Variants in DPP6 observed in about 807,000 individuals in gnomAD.
DPP6 encodes dipeptidyl peptidase like 6, also known as A-type potassium channel modulatory protein DPP6.
Under a neutral mutation model 122.6 loss-of-function variants are expected in DPP6, and 69 were observed. The observed-to-expected ratio is 0.56, with a 90% confidence interval of 0.46 to 0.69. The LOEUF (loss-of-function observed/expected upper bound fraction) is 0.69, where lower values mean the gene tolerates loss of function less well. Among genes scored for constraint, DPP6 ranks in the 30% least tolerant of loss-of-function variants. The probability of loss-of-function intolerance (pLI) is 0.00; values close to 1 mark genes in which losing one functional copy is unlikely to be tolerated. For missense variants in DPP6, 928 were observed against 1,116.9 expected (o/e 0.83, Z 2.41); for synonymous variants, 418 against 433.1 (o/e 0.97, Z 0.43).
At chr7:154,349,674 C>T (rs532149458) in intron 1 of DPP6, among the ~76,000 whole-genome samples, 1 of 152,232 alleles carries the variant, frequency 6.6e-6, no homozygotes, top group African/African-American at 2.4e-5. Context: ...AAATAATAAA[C>T]TTGTAATATG....
chr7:154,698,251 C>A (rs1033007982), intron 7 of DPP6, among the ~76,000 whole-genome samples: 1 of 152,264 alleles, frequency 6.6e-6, no homozygotes, highest in Admixed American at 6.5e-5. Context: ...TTGAGTCGAT[C>A]TACCAAAATG....
At chr7:154,475,125 G>T in intron 3 of DPP6, 88 bp downstream of exon 3, 1 of 990,806 alleles carries the variant, frequency 1.0e-6, no homozygotes. Flanking sequence ...TTTGCCTCTC[G>T]GATTTCCCCC....
rs1010988950 is a variant in DPP6, at chr7:153,980,486, T to A, written c.51+92752T>A. ...TGGTCTATCTATTTTGTTAATCTTTTAAAAAAAACCAGCTCCTGGATTCAT... is the reference window on the plus strand; with the variant it reads ...TGGTCTATCTATTTTGTTAATCTTTAAAAAAAAACCAGCTCCTGGATTCAT... On this transcript the variant is annotated intron_variant, in intron 1 of 25. Transcript: ENST00000404039. 1.9e-4 allele frequency among the ~76,000 whole-genome samples: 29 copies of A among 152,136 alleles called. 1 individual carries two copies. Among genetic ancestry groups the A allele is most frequent in the African/African-American group, 4.3e-4 (18 of 41,512 alleles).
At chr7:153,893,435 G>A (rs553794897) in intron 1 of DPP6, among the ~76,000 whole-genome samples, 45 of 152,336 alleles carry the variant, frequency 3.0e-4, no homozygotes, top group South Asian at 2.7e-3. Context: ...GCATTTGAGC[G>A]GATGAATTCG....
At chr7:154,049,971 A>C (rs997366743), upstream of DPP6, among the ~76,000 whole-genome samples, 1 of 152,150 alleles carries the variant, frequency 6.6e-6, no homozygotes, top group Non-Finnish European at 1.5e-5. Context: ...ATTTGGGTAA[A>C]GGGCGCTCCA....
At chr7:154,219,138 G>A (rs1800165088) in intron 1 of DPP6, among the ~76,000 whole-genome samples, 1 of 152,172 alleles carries the variant, frequency 6.6e-6, no homozygotes, top group Non-Finnish European at 1.5e-5. Flanking sequence ...GAAAAGGTCT[G>A]TATAAATTCT....
At chr7:153,776,033 A>T in the DPP6 span, among the ~76,000 whole-genome samples, 1 of 152,154 alleles carries the variant, frequency 6.6e-6, no homozygotes, top group Non-Finnish European at 1.5e-5. Flanking sequence ...TCTGAATCAA[A>T]ATCTCAAAGT....
rs763518504 is a variant in DPP6, at chr7:154,892,372, C to A, written c.2490C>A (p.Ser830Arg). The change falls in exon 26 of 26, where the codon AGC becomes AGA. Residue 830 changes from serine (S) to arginine (R), a missense_variant. Coordinates refer to ENST00000377770, the MANE Select transcript of DPP6 (RefSeq NM_130797.4). ...AAAGCCATTACTTTACCAGCTCCAG[C>A]CTCAAACAGCATCTGTACCGGTCCA... ...PDESHYFTSS[S>R]LKQHLYRSII... 1 of 1,614,054 alleles carries A rather than the reference C, an allele frequency of 6.2e-7. No individual in the cohort carries two copies. Among genetic ancestry groups the A allele is most frequent in the South Asian group, 1.1e-5 (1 of 91,090 alleles).
At chr7:154,161,272 G>A (rs1169463811) in intron 1 of DPP6, among the ~76,000 whole-genome samples, 1 of 152,254 alleles carries the variant, frequency 6.6e-6, no homozygotes, top group Admixed American at 6.5e-5. Context: ...TGAGGCAGGT[G>A]GATCACGTGA....
intron 1 of DPP6, among the ~76,000 whole-genome samples, chr7:154,140,462 G>A (rs1373444672): frequency 1.4e-5 from 2 of 141,344 alleles, no homozygotes; most frequent in African/African-American, 2.5e-5. Flanking sequence ...TTTGGTTTTG[G>A]GGTTTGTTTG....
intron 2 of DPP6, among the ~76,000 whole-genome samples, chr7:154,458,124 T>C (rs1162131985): frequency 1.3e-5 from 2 of 152,130 alleles, no homozygotes; most frequent in African/African-American, 2.4e-5. Context: ...AAAGAACAGA[T>C]GTGATATGGC....
At chr7:153,902,750 C>T (rs112913927) in intron 1 of DPP6, among the ~76,000 whole-genome samples, 99 of 152,012 alleles carry the variant, frequency 6.5e-4, no homozygotes, top group Middle Eastern at 3.4e-3. Context: ...GCAGGAGTAT[C>T]GCTTGAACCT....
intron 1 of DPP6, among the ~76,000 whole-genome samples, chr7:154,437,521 G>GT (rs1375651709): frequency 1.3e-5 from 2 of 152,174 alleles, no homozygotes; most frequent in Admixed American, 6.5e-5. Context: ...TTGAAAATCT[G>GT]TTAAGGTAAT....
At chr7:154,505,819 A>AT (rs1298457872) in intron 3 of DPP6, among the ~76,000 whole-genome samples, 2 of 152,046 alleles carry the variant, frequency 1.3e-5, no homozygotes, top group East Asian at 3.9e-4. Context: ...CTGTAACTAC[A>AT]TTTTTTTACC....
chr7:154,372,462 G>A (rs551956134), intron 1 of DPP6, among the ~76,000 whole-genome samples: 7 of 152,264 alleles, frequency 4.6e-5, no homozygotes, highest in African/African-American at 7.2e-5. Context: ...GTGCCTGGCC[G>A]TGCGTGGGCA....
chr7:154,144,498 G>C (rs865874684), intron 1 of DPP6, among the ~76,000 whole-genome samples: 4,182 of 149,430 alleles, frequency 0.028, no homozygotes, highest in African/African-American at 0.086. Flanking sequence ...AGCTAAAATA[G>C]AGCAGTGGCT....
At chr7:154,316,389 C>G (rs1051445036) in intron 1 of DPP6, among the ~76,000 whole-genome samples, 1 of 152,192 alleles carries the variant, frequency 6.6e-6, no homozygotes, top group Non-Finnish European at 1.5e-5. Context: ...AGAAAACCAT[C>G]AGAAATCAAA....
chr7:154,088,253 G>A (rs936818180), intron 1 of DPP6, among the ~76,000 whole-genome samples: 1 of 151,452 alleles, frequency 6.6e-6, no homozygotes, highest in African/African-American at 2.4e-5. Flanking sequence ...CCCCACTTCT[G>A]GCCCAGTGGG....
chr7:153,896,709 A>G (rs945518986), intron 1 of DPP6, among the ~76,000 whole-genome samples: 3 of 152,200 alleles, frequency 2.0e-5, no homozygotes. Flanking sequence ...GCTACTGAGG[A>G]GGCTGAGGCA....
Sources: gnomAD v4.1 joint callset for allele counts (sites outside exome capture counted in the v4.1 genomes callset) on GRCh38, gnomAD v4.1.1 for gene constraint, MANE v1.5 for transcripts, NCBI Gene and HGNC (gene_info 2026-07-23, HGNC 2026-07-21) for gene names.